SPOCK3: variants seen among roughly 807,000 people sequenced by gnomAD.
The protein encoded by SPOCK3 is SPARC (osteonectin), cwcv and kazal like domains proteoglycan 3.
A neutral mutation model predicts 56.6 loss-of-function variants in SPOCK3; 30 were observed. The ratio of observed to expected loss-of-function variants is 0.53; its 90% CI spans 0.40 to 0.72. The LOEUF (loss-of-function observed/expected upper bound fraction) is 0.72. SPOCK3 is among the 30% of genes least tolerant of loss of function. The probability of loss-of-function intolerance (pLI) is 0.00; values close to 1 mark genes in which losing one functional copy is unlikely to be tolerated. For missense variants in SPOCK3, 527 were observed against 530.0 expected (o/e 0.99, Z 0.06); for synonymous variants, 196 against 183.3 (o/e 1.07, Z -0.56).
intron 2 of SPOCK3, among the ~76,000 whole-genome samples, chr4:167,188,066 G>A (rs1048666181): frequency 8.6e-6 from 1 of 116,056 alleles, no homozygotes; most frequent in South Asian, 2.4e-4. Context: ...TGAGGATAGA[G>A]AAAGAATATT....
intron 2 of SPOCK3, among the ~76,000 whole-genome samples, chr4:167,149,107 A>T (rs1250386487): frequency 1.3e-5 from 2 of 152,272 alleles, no homozygotes; most frequent in East Asian, 3.9e-4. Flanking sequence ...ACTCTAAGCC[A>T]TGTGACCACA....
At chr4:167,099,972 C>A (rs141284787) in intron 2 of SPOCK3, among the ~76,000 whole-genome samples, 1 of 152,204 alleles carries the variant, frequency 6.6e-6, no homozygotes, top group East Asian at 1.9e-4. Flanking sequence ...TTGGTCTGAG[C>A]TATCACAATA....
At chr4:167,126,530 C>A (rs1580374352) in intron 2 of SPOCK3, among the ~76,000 whole-genome samples, 1 of 151,486 alleles carries the variant, frequency 6.6e-6, no homozygotes, top group South Asian at 2.1e-4. Context: ...GCCTGGGCAA[C>A]AAGAGTCAAA....
chr4:167,138,982 T>G (rs898931033), intron 2 of SPOCK3, among the ~76,000 whole-genome samples: 1 of 151,956 alleles, frequency 6.6e-6, no homozygotes, highest in Admixed American at 6.6e-5. Flanking sequence ...CAATAAAATG[T>G]TAAACACAGC....
chr4:167,093,455 C>G (rs1269467944), intron 2 of SPOCK3, among the ~76,000 whole-genome samples: 1 of 152,096 alleles, frequency 6.6e-6, no homozygotes, highest in African/African-American at 2.4e-5. Flanking sequence ...CCCCCATCCC[C>G]TGACAGGCCC....
intron 3 of SPOCK3, among the ~76,000 whole-genome samples, chr4:167,055,318 G>A (rs2150229268): frequency 6.6e-6 from 1 of 152,246 alleles, no homozygotes; most frequent in South Asian, 2.1e-4. Context: ...ACTAGAGAGG[G>A]GAGCCAAGAT....
At chr4:167,061,197 C>T (rs770367611) in intron 3 of SPOCK3, among the ~76,000 whole-genome samples, 41 of 151,726 alleles carry the variant, frequency 2.7e-4, no homozygotes, top group Non-Finnish European at 8.8e-5. Context: ...CTGGATGCAC[C>T]AAGTATGACA....
In SPOCK3 at chr4:167,151,435, C is replaced by CT. The variant is rs5863862; in HGVS notation, c.189+82549dup. Among the ~76,000 whole-genome samples, 220 of 95,596 alleles carry CT rather than the reference C, an allele frequency of 2.3e-3. 1 individual carries two copies. Among genetic ancestry groups the CT allele is most frequent in the African/African-American group, 7.3e-3 (187 of 25,592 alleles). The allele number at this position is 95,596 out of a possible 152,430, so 62.7% of individuals were successfully genotyped here. A position where few individuals can be genotyped will look rare whatever the true frequency, so the allele number is the denominator to read the frequency against. ...CTCACTTTCCACATTCCTTTTTTTTCTTTTTTTTTTTTTTTTTGAGACGGA... is the reference window on the plus strand; with the variant it reads ...CTCACTTTCCACATTCCTTTTTTTTCTTTTTTTTTTTTTTTTTTGAGACGGA... On this transcript the variant is annotated intron_variant, in intron 2 of 10. Coordinates refer to ENST00000357545, the MANE Select transcript of SPOCK3 (RefSeq NM_001040159.2).
At chr4:166,765,939 C>T (rs1737973641) in intron 7 of SPOCK3, among the ~76,000 whole-genome samples, 1 of 151,938 alleles carries the variant, frequency 6.6e-6, no homozygotes, top group African/African-American at 2.4e-5. Flanking sequence ...ATTTTATTCT[C>T]TTTGAAGCAA....
intron 7 of SPOCK3, among the ~76,000 whole-genome samples, 189 bp from the exon 8 acceptor site, chr4:166,754,918 T>C (rs1736877888): frequency 6.6e-6 from 1 of 152,052 alleles, no homozygotes; most frequent in South Asian, 2.1e-4. Flanking sequence ...CATTTCAGGA[T>C]AGTTGTGAGA....
intron 3 of SPOCK3, among the ~76,000 whole-genome samples, chr4:167,041,087 A>C (rs1753196019): frequency 6.6e-6 from 1 of 152,182 alleles, no homozygotes; most frequent in South Asian, 2.1e-4. Context: ...AGAATCTCAG[A>C]ATCTGGAGTA....
chr4:167,051,203 T>C (rs1471851394), intron 3 of SPOCK3, among the ~76,000 whole-genome samples: 1 of 152,182 alleles, frequency 6.6e-6, no homozygotes, highest in African/African-American at 2.4e-5. Context: ...AAGAGATCAA[T>C]TGAATCAAAA....
intron 6 of SPOCK3, among the ~76,000 whole-genome samples, chr4:166,821,160 GAATA>G (rs1201718921): frequency 6.6e-6 from 1 of 151,946 alleles, no homozygotes; most frequent in Non-Finnish European, 1.5e-5. Flanking sequence ...TAAAACATTT[GAATA>G]AATATTTTAT....
intron 7 of SPOCK3, among the ~76,000 whole-genome samples, chr4:166,789,779 A>AT (rs1210167812): frequency 6.6e-6 from 1 of 152,168 alleles, no homozygotes; most frequent in Non-Finnish European, 1.5e-5. Flanking sequence ...GAATGGTAAT[A>AT]TTTTTTGCTA....
intron 3 of SPOCK3, among the ~76,000 whole-genome samples, chr4:167,061,539 C>A (rs1755608654): frequency 6.6e-6 from 1 of 151,954 alleles, no homozygotes; most frequent in Admixed American, 6.6e-5. Flanking sequence ...TAGGTCCACA[C>A]AGGTGGTTTC....
At chr4:167,095,561 T>C (rs372563101) in intron 2 of SPOCK3, among the ~76,000 whole-genome samples, 2 of 151,822 alleles carry the variant, frequency 1.3e-5, no homozygotes, top group East Asian at 3.9e-4. Context: ...ATTGTAGCCA[T>C]AGTAACTAAA....
chr4:167,110,171 G>A (rs1466470431), intron 2 of SPOCK3, among the ~76,000 whole-genome samples: 1 of 151,946 alleles, frequency 6.6e-6, no homozygotes, highest in Admixed American at 6.6e-5. Flanking sequence ...ATCTCAAGTG[G>A]GAGCTTAATG....
chr4:167,068,878 G>A (rs1292908700), intron 2 of SPOCK3, among the ~76,000 whole-genome samples: 1 of 151,886 alleles, frequency 6.6e-6, no homozygotes, highest in East Asian at 1.9e-4. Context: ...CATGATGGGA[G>A]CAAGAAGAGA....
At chr4:166,765,688 A>G (rs2126534227) in intron 7 of SPOCK3, among the ~76,000 whole-genome samples, 1 of 152,276 alleles carries the variant, frequency 6.6e-6, no homozygotes, top group East Asian at 1.9e-4. Context: ...TTGGTTCCGT[A>G]TGAACTTTAA....
Sources: gnomAD v4.1 joint callset for allele counts (sites outside exome capture counted in the v4.1 genomes callset) on GRCh38, gnomAD v4.1.1 for gene constraint, MANE v1.5 for transcripts, NCBI Gene and HGNC (gene_info 2026-07-23, HGNC 2026-07-21) for gene names.